FILIP1L: variants seen among roughly 807,000 people sequenced by gnomAD.
FILIP1L encodes filamin A interacting protein 1 like, also known as filamin A-interacting protein 1-like.
Under a neutral mutation model 96.6 loss-of-function variants are expected in FILIP1L, and 55 were observed. That is an observed-to-expected ratio of 0.57 (90% CI 0.46 to 0.71). FILIP1L has a LOEUF of 0.71. Ranked by LOEUF, FILIP1L falls within the 30% of genes least tolerant of loss-of-function variation. The pLI, the probability that FILIP1L is intolerant of heterozygous loss-of-function variation, is 0.00. For missense variants in FILIP1L, 1,304 were observed against 1,321.2 expected (o/e 0.99, Z 0.20); for synonymous variants, 467 against 473.9 (o/e 0.99, Z 0.19).
chr3:99,888,245 AC>A (rs1469869412), intron 4 of FILIP1L, among the ~76,000 whole-genome samples: 2 of 152,104 alleles, frequency 1.3e-5, no homozygotes, highest in African/African-American at 2.4e-5. Context: ...TATGTTGTGC[AC>A]CTGTTGCTAC....
chr3:99,907,508 A>G (rs1246112489), intron 4 of FILIP1L, among the ~76,000 whole-genome samples: 4 of 152,120 alleles, frequency 2.6e-5, no homozygotes, highest in Non-Finnish European at 5.9e-5. Context: ...CGGCCTCCCA[A>G]AGTGCTGGGA....
intron 2 of FILIP1L, 28 bp from the exon 3 acceptor site, chr3:99,930,057 G>T: frequency 6.3e-7 from 1 of 1,575,392 alleles, no homozygotes. Flanking sequence ...ATTTCAGAAA[G>T]CCTGCTGTCT....
intron 4 of FILIP1L, among the ~76,000 whole-genome samples, chr3:99,890,726 CTG>C (rs1475486270): frequency 6.6e-6 from 1 of 150,888 alleles, no homozygotes; most frequent in African/African-American, 2.4e-5. Context: ...TACCAATCCG[CTG>C]TTTTTTTTTT....
Position 99,830,639 on chromosome 3 carries a change from T to C in FILIP1L, c.3382-34A>G, listed in dbSNP as rs146528780. 6.6e-3 allele frequency: 3,002 copies of C among 454,744 alleles called. 15 individuals are homozygous for C. The highest frequency in any genetic ancestry group is 8.6e-3 in the African/African-American group (429 of 50,164). The allele number at this position is 454,744 out of a possible 1,614,324, so 28.2% of individuals were successfully genotyped here. A position where few individuals can be genotyped will look rare whatever the true frequency, so the allele number is the denominator to read the frequency against. ...AAACAAGAGAACAAAAGGTAATTAA[T>C]GGTACAGTTGGTGGAGAAGTAGAAA... On this transcript the variant is annotated intron_variant, in intron 5 of 5. Coordinates refer to ENST00000477258, the MANE Select transcript of FILIP1L (RefSeq NM_001387850.1).
chr3:100,066,517 C>CTTTTTTT (rs545356638), intron 1 of FILIP1L, among the ~76,000 whole-genome samples: 2 of 38,318 alleles, frequency 5.2e-5, no homozygotes, highest in African/African-American at 2.3e-4. Flanking sequence ...GGCTTTGCTT[C>CTTTTTTT]TTTTTTTTTT....
intron 4 of FILIP1L, among the ~76,000 whole-genome samples, chr3:99,881,434 T>C (rs757657033): frequency 3.3e-5 from 5 of 152,112 alleles, no homozygotes; most frequent in Non-Finnish European, 7.4e-5. Flanking sequence ...ACCTATTAGG[T>C]CATCTTCCCT....
In FILIP1L at chr3:99,849,653, T is replaced by G. The variant is rs758684365; in HGVS notation, c.2023A>C (p.Lys675Gln). The change falls in exon 5 of 6, where the codon AAA becomes CAA. Residue 675 changes from lysine to glutamine, a missense_variant. Physicochemically the swap from Lys to Gln is moderately conservative, Grantham distance 53 (BLOSUM62 1). Transcript: ENST00000477258. ...TCCATTTTAACATGTTCTAGCTCTT[T>G]AGATAAAAATTGAGCTTTGTCTCGT... The part of the protein sequence containing the change: ...NERDKAQFLS[K>Q]ELEHVKMELA... 1 of 1,613,342 alleles carries G rather than the reference T, an allele frequency of 6.2e-7. No homozygotes were observed. Among genetic ancestry groups the G allele is most frequent in the Admixed American group, 1.7e-5 (1 of 59,966 alleles).
chr3:99,880,466 TA>T (rs1192579294), intron 4 of FILIP1L, among the ~76,000 whole-genome samples: 2 of 152,146 alleles, frequency 1.3e-5, no homozygotes, highest in African/African-American at 4.8e-5. Flanking sequence ...CCCAGGCCTA[TA>T]TATGGTCCGC....
intron 4 of FILIP1L, among the ~76,000 whole-genome samples, chr3:99,877,287 T>C (rs1705567848): frequency 6.6e-6 from 1 of 152,230 alleles, no homozygotes; most frequent in African/African-American, 2.4e-5. Flanking sequence ...ATGATGTACA[T>C]ATGTCTGTAG....
At chr3:99,919,518 A>C (rs372567889) in intron 4 of FILIP1L, among the ~76,000 whole-genome samples, 1 of 151,578 alleles carries the variant, frequency 6.6e-6, no homozygotes, top group East Asian at 1.9e-4. Flanking sequence ...CACTAGCTCC[A>C]AACTAATGAG....
chr3:100,043,966 A>C (rs1365769347), intron 1 of FILIP1L, among the ~76,000 whole-genome samples: 1 of 152,200 alleles, frequency 6.6e-6, no homozygotes, highest in African/African-American at 2.4e-5. Context: ...AGCTTATTTC[A>C]CTTAGCATGA....
chr3:99,985,345 A>C (rs1709306795), intron 1 of FILIP1L, among the ~76,000 whole-genome samples: 1 of 152,076 alleles, frequency 6.6e-6, no homozygotes, highest in Non-Finnish European at 1.5e-5. Flanking sequence ...CAGCCCGAAC[A>C]ACATGGCGAA....
chr3:99,952,830 T>A (rs1708215775), intron 1 of FILIP1L, among the ~76,000 whole-genome samples: 1 of 152,178 alleles, frequency 6.6e-6, no homozygotes, highest in Non-Finnish European at 1.5e-5. Context: ...TTTGAATTAG[T>A]TAAGGATAAT....
chr3:99,924,595 T>C lies in FILIP1L; in HGVS notation c.427-187A>G, dbSNP rs552985883. ...GTGCAATGGCGCGATCTCGACTCAC[T>C]GCAACTTCCGCCTCCCGGGTTTAAG... On this transcript the variant is annotated intron_variant, in intron 3 of 5. Coordinates refer to ENST00000477258, the MANE Select transcript of FILIP1L (RefSeq NM_001387850.1). Among the ~76,000 whole-genome samples the C allele has an allele frequency of 5.3e-5, 8 of 152,326 alleles. No homozygotes were observed. The South Asian group carries it at 1.7e-3, about 32-fold the overall frequency.
At chr3:99,942,839 A>C (rs945450565) in intron 1 of FILIP1L, among the ~76,000 whole-genome samples, 3 of 151,932 alleles carry the variant, frequency 2.0e-5, no homozygotes, top group African/African-American at 7.3e-5. Flanking sequence ...AAAAAAAAAA[A>C]CTGAAAAACA....
At chr3:99,901,099 A>G (rs1010310443) in intron 4 of FILIP1L, among the ~76,000 whole-genome samples, 3 of 152,360 alleles carry the variant, frequency 2.0e-5, no homozygotes, top group African/African-American at 4.8e-5. Context: ...ACTGTATACA[A>G]CATTCTTTTA....
intron 1 of FILIP1L, among the ~76,000 whole-genome samples, chr3:100,015,115 A>G (rs1011503169): frequency 6.6e-6 from 1 of 151,820 alleles, no homozygotes; most frequent in Non-Finnish European, 1.5e-5. Context: ...TCATGTAGAT[A>G]TCCAGTTTTC....
rs1160822982 is a variant in FILIP1L at position 99,849,051 on chromosome 3, A to G, written c.2625T>C (p.Asn875=). 1.9e-6 allele frequency: 3 copies of G among 1,614,134 alleles called. No individual in the cohort carries two copies. Among genetic ancestry groups the G allele is most frequent in the Non-Finnish European group, 2.5e-6 (3 of 1,180,016 alleles). The change falls in exon 5 of 6, where the codon AAT becomes AAC. Residue 875 remains asparagine, a synonymous_variant. Coordinates refer to ENST00000477258, the MANE Select transcript of FILIP1L (RefSeq NM_001387850.1). ...CATTGGGTTTAGTTTGCATTTTTCC[A>G]TTCTGAAGATGGCCCTCCTTGGATT... ...WMKSKEGHLQ[N]GKMQTKPNAN... is the part of the protein sequence containing the mutation.
intron 1 of FILIP1L, among the ~76,000 whole-genome samples, chr3:99,982,486 A>G (rs148182895): frequency 0.015 from 2,244 of 152,190 alleles, 55 homozygotes; most frequent in African/African-American, 0.052. Flanking sequence ...GACTACAGGC[A>G]CATGCCACCA....
Sources: allele counts gnomAD v4.1 joint callset (sites outside exome capture counted in the v4.1 genomes callset), GRCh38; gene constraint gnomAD v4.1.1; transcripts MANE v1.5; gene names NCBI Gene and HGNC (gene_info 2026-07-23, HGNC 2026-07-21).